PTPN4: variants seen among roughly 807,000 people sequenced by gnomAD.
PTPN4 encodes the protein tyrosine-protein phosphatase non-receptor type 4.
In PTPN4, 49 loss-of-function variants were observed where a neutral mutation model predicts 135.5. The observed-to-expected ratio is 0.36, with a 90% CI of 0.29 to 0.46. The LOEUF (loss-of-function observed/expected upper bound fraction) is 0.46, where lower values mean the gene tolerates loss of function less well. Ranked by LOEUF, PTPN4 falls within the 20% of genes least tolerant of loss-of-function variation. The pLI, the probability that PTPN4 is intolerant of heterozygous loss-of-function variation, is 1.00. For synonymous variants in PTPN4, 333 were observed against 369.9 expected (o/e 0.90, Z 1.14); for missense variants, 860 against 1,101.0 (o/e 0.78, Z 3.10).
intron 2 of PTPN4, among the ~76,000 whole-genome samples, chr2:119,858,793 C>T (rs903690615): frequency 1.9e-4 from 29 of 151,876 alleles, no homozygotes; most frequent in African/African-American, 6.5e-4. Context: ...CCACCATGCC[C>T]GGCTAATTTT....
chr2:119,971,955 TA>T (rs901479307), intron 26 of PTPN4, among the ~76,000 whole-genome samples: 19 of 152,346 alleles, frequency 1.2e-4, no homozygotes, highest in African/African-American at 4.3e-4. Flanking sequence ...TGAGCACAAA[TA>T]TAAGAGTTTA....
At chr2:119,943,881 T>C (rs1679097700) in intron 15 of PTPN4, among the ~76,000 whole-genome samples, 1 of 152,078 alleles carries the variant, frequency 6.6e-6, no homozygotes, top group South Asian at 2.1e-4. Context: ...CATGAGCCAC[T>C]GTGCCCAGCC....
At chr2:119,907,134 G>C (rs1313970905) in intron 10 of PTPN4, among the ~76,000 whole-genome samples, 1 of 151,948 alleles carries the variant, frequency 6.6e-6, no homozygotes, top group Non-Finnish European at 1.5e-5. Context: ...AAACACTGAT[G>C]GGAAAAAATT....
At chr2:119,873,956 T>C (rs1371730775) in intron 3 of PTPN4, among the ~76,000 whole-genome samples, 2 of 152,160 alleles carry the variant, frequency 1.3e-5, no homozygotes, top group African/African-American at 4.8e-5. Context: ...CTCCCAGATA[T>C]ATATTGAAGA....
At chr2:119,846,616 T>C (rs1488670933) in intron 2 of PTPN4, among the ~76,000 whole-genome samples, 2 of 152,082 alleles carry the variant, frequency 1.3e-5, no homozygotes, top group African/African-American at 2.4e-5. Flanking sequence ...TCAGTTAATG[T>C]TATTATTGAT....
chr2:119,907,555 T>C (rs983696246), intron 10 of PTPN4, among the ~76,000 whole-genome samples: 36 of 152,064 alleles, frequency 2.4e-4, no homozygotes, highest in African/African-American at 8.2e-4. Flanking sequence ...CAGTGGGCTA[T>C]GATCATACCA....
chr2:119,874,697 A>T (rs1302765684), intron 3 of PTPN4, among the ~76,000 whole-genome samples: 1 of 152,210 alleles, frequency 6.6e-6, no homozygotes, highest in Non-Finnish European at 1.5e-5. Context: ...GATAGTGATG[A>T]TGGTTGCACA....
At chr2:119,938,888 C>A (rs1218055164) in intron 15 of PTPN4, among the ~76,000 whole-genome samples, 4 of 152,002 alleles carry the variant, frequency 2.6e-5, no homozygotes, top group African/African-American at 9.7e-5. Flanking sequence ...AACAACTTTC[C>A]TCCTTTTTGC....
At chr2:119,777,406 T>C (rs1690856241) in intron 1 of PTPN4, among the ~76,000 whole-genome samples, 1 of 152,174 alleles carries the variant, frequency 6.6e-6, no homozygotes, top group South Asian at 2.1e-4. Flanking sequence ...TTATACTATA[T>C]ATATTTTTTT....
intron 19 of PTPN4, among the ~76,000 whole-genome samples, chr2:119,953,821 T>A (rs1679242858): frequency 6.6e-6 from 1 of 152,180 alleles, no homozygotes; most frequent in African/African-American, 2.4e-5. Context: ...GCTCACAGAT[T>A]CATGACGCCA....
rs755405445 is a variant in PTPN4 at position 119,809,849 on chromosome 2, C to G, written c.-5C>G. The G allele has an allele frequency of 6.3e-7, 1 of 1,585,428 alleles. No individual in the cohort carries two copies. The highest frequency in any genetic ancestry group is 8.5e-7 in the Non-Finnish European group (1 of 1,171,044). ...TTTTTTAACTTAGACTTTGTGTGGACAGTAATGACCTCACGTTTCCGATTG... is the reference window on the plus strand; with the variant it reads ...TTTTTTAACTTAGACTTTGTGTGGAGAGTAATGACCTCACGTTTCCGATTG... On this transcript the variant is annotated 5_prime_UTR_variant, in exon 2 of 27. Coordinates refer to ENST00000263708, the MANE Select transcript of PTPN4 (RefSeq NM_002830.4).
intron 2 of PTPN4, among the ~76,000 whole-genome samples, chr2:119,856,485 T>G (rs1574372582): frequency 6.6e-6 from 1 of 152,208 alleles, no homozygotes; most frequent in East Asian, 1.9e-4. Flanking sequence ...CCCCATACTA[T>G]GTCCCATTTA....
At chr2:119,909,659 T>C (rs961988827) in intron 10 of PTPN4, among the ~76,000 whole-genome samples, 3 of 152,192 alleles carry the variant, frequency 2.0e-5, no homozygotes, top group Non-Finnish European at 2.9e-5. Context: ...ATTTCTCTGA[T>C]GGATCTGGGA....
chr2:119,839,603 G>C (rs887696493), intron 2 of PTPN4, among the ~76,000 whole-genome samples: 2 of 152,126 alleles, frequency 1.3e-5, no homozygotes, highest in Non-Finnish European at 2.9e-5. Flanking sequence ...AAAACTGCAA[G>C]CAGGCAACCA....
chr2:119,885,104 A>G (rs576892034), intron 8 of PTPN4, among the ~76,000 whole-genome samples: 18 of 152,310 alleles, frequency 1.2e-4, no homozygotes, highest in South Asian at 4.1e-4. Flanking sequence ...ATCAGACTCT[A>G]CAGAATAGTC....
intron 2 of PTPN4, among the ~76,000 whole-genome samples, chr2:119,824,079 G>A (rs968510690): frequency 3.3e-5 from 5 of 152,210 alleles, no homozygotes; most frequent in Admixed American, 6.5e-5. Context: ...TATGTATGTC[G>A]TTTAGTTTTC....
chr2:119,937,059 C>A (rs1678994366), intron 15 of PTPN4, among the ~76,000 whole-genome samples: 2 of 152,104 alleles, frequency 1.3e-5, no homozygotes, highest in Non-Finnish European at 2.9e-5. Context: ...TATGTAATAT[C>A]CATTTTATAG....
chr2:119,913,620 T>A (rs561148625), intron 10 of PTPN4, among the ~76,000 whole-genome samples: 16 of 152,132 alleles, frequency 1.1e-4, no homozygotes, highest in Non-Finnish European at 1.9e-4. Context: ...CGAAACCATG[T>A]CTGTAATAGG....
At chr2:119,940,243 A>T (rs1178775581) in intron 15 of PTPN4, among the ~76,000 whole-genome samples, 1 of 152,106 alleles carries the variant, frequency 6.6e-6, no homozygotes, top group East Asian at 1.9e-4. Flanking sequence ...TTGGTAATCA[A>T]CCTGAAGTGA....
Sources: allele counts gnomAD v4.1 joint callset (sites outside exome capture counted in the v4.1 genomes callset), GRCh38; gene constraint gnomAD v4.1.1; transcripts MANE v1.5; gene names NCBI Gene and HGNC (gene_info 2026-07-23, HGNC 2026-07-21).